Variants in STK39 observed in about 807,000 individuals in gnomAD.
The protein encoded by STK39 is STE20/SPS1-related proline-alanine-rich protein kinase.
In STK39, 20 loss-of-function variants were observed where a neutral mutation model predicts 77.8. That is an observed-to-expected ratio of 0.26 (90% CI 0.18 to 0.37). STK39 has a LOEUF of 0.37. Ranked by LOEUF, STK39 falls within the 10% of genes least tolerant of loss-of-function variation. The pLI, the probability that STK39 is intolerant of heterozygous loss-of-function variation, is 1.00. For synonymous variants in STK39, 246 were observed against 234.1 expected, an observed-to-expected ratio of 1.05 and a Z score of -0.47; for missense variants, 479 against 656.5, an observed-to-expected ratio of 0.73 and a Z score of 2.95.
intron 1 of STK39, among the ~76,000 whole-genome samples, chr2:168,199,311 T>C (rs1248637904): frequency 6.6e-6 from 1 of 152,096 alleles, no homozygotes; most frequent in African/African-American, 2.4e-5. Context: ...AACTTGTGAG[T>C]CCCAACCTTT....
At chr2:168,157,261 T>G (rs753393417) in intron 5 of STK39, among the ~76,000 whole-genome samples, 1 of 152,174 alleles carries the variant, frequency 6.6e-6, no homozygotes, top group Non-Finnish European at 1.5e-5. Flanking sequence ...CCTTGGACAG[T>G]GAAAAACCCA....
intron 10 of STK39, among the ~76,000 whole-genome samples, chr2:168,097,591 C>T (rs759978980): frequency 3.3e-5 from 5 of 152,122 alleles, no homozygotes; most frequent in Non-Finnish European, 5.9e-5. Context: ...CATAATTAGC[C>T]GTGCATGATG....
At chr2:168,243,781 A>G (rs565258490) in intron 1 of STK39, among the ~76,000 whole-genome samples, 4 of 152,348 alleles carry the variant, frequency 2.6e-5, no homozygotes, top group Admixed American at 2.6e-4. Flanking sequence ...ATTCACTTTC[A>G]TTCCCTGTTT....
intron 5 of STK39, among the ~76,000 whole-genome samples, chr2:168,150,230 G>A (rs1400639): frequency 6.6e-6 from 1 of 152,170 alleles, no homozygotes; most frequent in Non-Finnish European, 1.5e-5. Flanking sequence ...CTCAGATGAA[G>A]AGAACCATGG....
At chr2:168,055,379 G>A (rs1306168049) in intron 14 of STK39, among the ~76,000 whole-genome samples, 1 of 152,188 alleles carries the variant, frequency 6.6e-6, no homozygotes, top group African/African-American at 2.4e-5. Context: ...AAATAGCTAA[G>A]TGCATCTTTT....
chr2:168,217,768 C>A (rs993831742), intron 1 of STK39, among the ~76,000 whole-genome samples: 12 of 152,160 alleles, frequency 7.9e-5, no homozygotes, highest in African/African-American at 2.9e-4. Context: ...ATGTTCAGTA[C>A]AGATGCAATC....
intron 10 of STK39, among the ~76,000 whole-genome samples, chr2:168,116,815 T>G (rs1395105549): frequency 6.6e-6 from 1 of 152,208 alleles, no homozygotes; most frequent in Non-Finnish European, 1.5e-5. Flanking sequence ...AACATCTTAC[T>G]CATTTTAAAG....
intron 16 of STK39, among the ~76,000 whole-genome samples, chr2:167,980,843 G>T (rs1334600405): frequency 6.7e-6 from 1 of 148,582 alleles, no homozygotes; most frequent in East Asian, 2.0e-4. Context: ...TAAATCTGTA[G>T]TAATTTCCAA....
At chr2:168,012,450 G>A (rs1036555511) in intron 16 of STK39, among the ~76,000 whole-genome samples, 184 bp downstream of exon 16, 2 of 152,138 alleles carry the variant, frequency 1.3e-5, no homozygotes, top group African/African-American at 4.8e-5. Flanking sequence ...TGGGATTATA[G>A]GCATGAGTCA....
At chr2:168,078,340 C>A (rs1686132832) in intron 10 of STK39, among the ~76,000 whole-genome samples, 2 of 152,062 alleles carry the variant, frequency 1.3e-5, no homozygotes, top group African/African-American at 4.8e-5. Flanking sequence ...TGGTTCCTGG[C>A]CAGTGCTGGT....
At chr2:168,012,091 T>C (rs1474820221) in intron 16 of STK39, among the ~76,000 whole-genome samples, 1 of 152,188 alleles carries the variant, frequency 6.6e-6, no homozygotes, top group Non-Finnish European at 1.5e-5. Flanking sequence ...TTCTTTGTTA[T>C]ATTTCCAATA....
chr2:168,056,624 G>A (rs1685534375), intron 14 of STK39, among the ~76,000 whole-genome samples: 1 of 152,162 alleles, frequency 6.6e-6, no homozygotes, highest in African/African-American at 2.4e-5. Flanking sequence ...ATCACATTGA[G>A]GAGTGATTCA....
At chr2:168,100,127 G>C (rs1287718756) in intron 10 of STK39, among the ~76,000 whole-genome samples, 2 of 152,158 alleles carry the variant, frequency 1.3e-5, no homozygotes, top group Non-Finnish European at 2.9e-5. Flanking sequence ...AGTTTATCAT[G>C]GCTAATTACA....
At chr2:168,217,697 TATGTA>T (rs1316260320) in intron 1 of STK39, among the ~76,000 whole-genome samples, 4 of 152,192 alleles carry the variant, frequency 2.6e-5, no homozygotes, top group Non-Finnish European at 5.9e-5. Flanking sequence ...AAGTAAATGC[TATGTA>T]AACAGATGTT....
At chr2:168,220,433 A>T (rs193111572) in intron 1 of STK39, among the ~76,000 whole-genome samples, 51 of 152,300 alleles carry the variant, frequency 3.3e-4, no homozygotes, top group African/African-American at 1.2e-3. Context: ...GACCCTAGCA[A>T]ATATTTTAAA....
At position 168,046,907 on chromosome 2, in the gene STK39, A is replaced by G. The variant is rs544208700; in HGVS notation, c.1376+16593T>C. ...AGATGCCATTAAAAGATGGGAAGGG[A>G]AGATCTGACAACTCTTTAAAGGCAG... On this transcript the variant is annotated intron_variant, in intron 14 of 17. Transcript: ENST00000355999. Among the ~76,000 whole-genome samples the G allele has an allele frequency of 2.6e-5, 4 of 152,370 alleles. No homozygotes were observed. The South Asian group carries it at 8.3e-4, about 32-fold the overall frequency.
chr2:168,009,591 A>T (rs73026998), intron 16 of STK39, among the ~76,000 whole-genome samples: 1 of 152,104 alleles, frequency 6.6e-6, no homozygotes, highest in African/African-American at 2.4e-5. Flanking sequence ...AGTCTACAAC[A>T]TAGTGATTAA....
At chr2:168,038,941 C>CT (rs1435892586) in intron 14 of STK39, among the ~76,000 whole-genome samples, 2 of 152,158 alleles carry the variant, frequency 1.3e-5, no homozygotes, top group Non-Finnish European at 1.5e-5. Context: ...TCATACACTG[C>CT]TGGTGGGACT....
At chr2:168,125,959 A>G (rs1687530560) in intron 10 of STK39, among the ~76,000 whole-genome samples, 1 of 152,204 alleles carries the variant, frequency 6.6e-6, no homozygotes, top group African/African-American at 2.4e-5. Context: ...AAGAACAGCC[A>G]CAATACCAGC....
Sources: gnomAD v4.1 joint callset for allele counts (sites outside exome capture counted in the v4.1 genomes callset) on GRCh38, gnomAD v4.1.1 for gene constraint, MANE v1.5 for transcripts, NCBI Gene and HGNC (gene_info 2026-07-23, HGNC 2026-07-21) for gene names.